FAM184A: variants seen among roughly 807,000 people sequenced by gnomAD.
FAM184A encodes the protein family with sequence similarity 184 member A.
In FAM184A, 99 loss-of-function variants were observed where a neutral mutation model predicts 143.8. The observed-to-expected ratio is 0.69, with a 90% CI of 0.58 to 0.81. The LOEUF is 0.81. FAM184A is among the 40% of genes least tolerant of loss of function. The pLI, the probability that FAM184A is intolerant of heterozygous loss-of-function variation, is 0.00. For synonymous variants in FAM184A, 427 were observed against 446.4 expected (o/e 0.96, Z 0.55); for missense variants, 1,217 against 1,310.5 (o/e 0.93, Z 1.10).
chr6:119,028,048 T>C (rs917452761), intron 1 of FAM184A, among the ~76,000 whole-genome samples: 1 of 152,188 alleles, frequency 6.6e-6, no homozygotes, highest in Non-Finnish European at 1.5e-5. Context: ...TTGTATTGAT[T>C]TATGATTTTG....
intron 1 of FAM184A, among the ~76,000 whole-genome samples, chr6:119,025,909 G>A (rs369246918): frequency 1.3e-5 from 2 of 152,168 alleles, no homozygotes; most frequent in African/African-American, 2.4e-5. Context: ...ATTTTTTGTA[G>A]AGAAATTATT....
intron 14 of FAM184A, among the ~76,000 whole-genome samples, chr6:118,970,008 A>ATATATATTTTTTTTTTTT: frequency 5.3e-5 from 1 of 19,046 alleles, no homozygotes; most frequent in African/African-American, 1.5e-4. Context: ...ATATATATAT[A>ATATATATTTTTTTTTTTT]TTTTTTTTTT....
At chr6:118,965,808 C>G (rs751879583) in intron 15 of FAM184A, among the ~76,000 whole-genome samples, 72 of 152,306 alleles carry the variant, frequency 4.7e-4, no homozygotes, top group Non-Finnish European at 8.4e-4. Context: ...ATAACACCTC[C>G]TCAGTAAGAA....
intron 9 of FAM184A, among the ~76,000 whole-genome samples, chr6:118,991,713 A>AATAACAGCCTG (rs1784382786): frequency 6.6e-6 from 1 of 150,404 alleles, no homozygotes; most frequent in South Asian, 2.1e-4. Flanking sequence ...GGAATAACGG[A>AATAACAGCCTG]ATAACAGCCT....
At chr6:119,121,462 T>A (rs1789210267) in intron 1 of FAM184A, among the ~76,000 whole-genome samples, 1 of 152,158 alleles carries the variant, frequency 6.6e-6, no homozygotes, top group Non-Finnish European at 1.5e-5. Context: ...TTAAGGAAAA[T>A]TAAATCCATA....
At chr6:119,042,348 G>A (rs113155855) in intron 1 of FAM184A, among the ~76,000 whole-genome samples, 2,196 of 152,206 alleles carry the variant, frequency 0.014, 32 homozygotes, top group South Asian at 0.037. Context: ...CATGTTCCTC[G>A]GATGCATTCC....
At chr6:119,142,717 G>A (rs757744169) in intron 1 of FAM184A, among the ~76,000 whole-genome samples, 1 of 152,188 alleles carries the variant, frequency 6.6e-6, no homozygotes, top group Non-Finnish European at 1.5e-5. Context: ...GAGGAGGAGT[G>A]TTGTGGTTGA....
Position 119,035,861 on chromosome 6 carries a change from G to C in FAM184A, c.160-11048C>G, listed in dbSNP as rs981512831. On this transcript the variant is annotated intron_variant, in intron 1 of 17. Transcript: ENST00000338891. ...AACAAACGTACATCTTACGTGTACT[G>C]ATTTATGTTTTATGCCACCCTAAAA... is the stretch of plus-strand genomic sequence containing the variant. Among the ~76,000 whole-genome samples the C allele has an allele frequency of 3.9e-5, 6 of 152,248 alleles. No individual in the cohort carries two copies. In the East Asian group the frequency reaches 7.7e-4, roughly 20 times the overall value.
chr6:119,068,943 C>T (rs1787577411), intron 1 of FAM184A: 1 of 240,410 alleles, frequency 4.2e-6, no homozygotes, highest in Non-Finnish European at 9.4e-6. Context: ...GATTACACAT[C>T]TAAAATTTGT....
At chr6:119,119,426 C>T (rs1789150464) in intron 1 of FAM184A, among the ~76,000 whole-genome samples, 1 of 152,190 alleles carries the variant, frequency 6.6e-6, no homozygotes, top group African/African-American at 2.4e-5. Flanking sequence ...GGACACCCAG[C>T]TTTAAAATTT....
At chr6:119,100,055 G>A (rs763816262) in intron 1 of FAM184A, among the ~76,000 whole-genome samples, 1 of 152,200 alleles carries the variant, frequency 6.6e-6, no homozygotes, top group African/African-American at 2.4e-5. Flanking sequence ...CAGGTAGGTG[G>A]TGTCAGAATT....
At chr6:119,062,352 G>A (rs1477951879) in intron 1 of FAM184A, among the ~76,000 whole-genome samples, 1 of 152,016 alleles carries the variant, frequency 6.6e-6, no homozygotes, top group Admixed American at 6.6e-5. Flanking sequence ...ATTGTAACCA[G>A]GTACACAGGG....
intron 1 of FAM184A, among the ~76,000 whole-genome samples, chr6:119,130,361 G>T (rs968057195): frequency 6.6e-6 from 1 of 152,148 alleles, no homozygotes; most frequent in Admixed American, 6.5e-5. Flanking sequence ...TCAGGGAATA[G>T]AAATAAATGC....
At chr6:119,009,682 T>G (rs1785031839) in intron 6 of FAM184A, 1 of 152,178 alleles carries the variant, frequency 6.6e-6, no homozygotes, top group Non-Finnish European at 1.5e-5. Context: ...TTTCCTAAAT[T>G]TATTATTTTG....
intron 3 of FAM184A, among the ~76,000 whole-genome samples, chr6:119,021,239 CTGA>C (rs201231672): frequency 0.014 from 2,121 of 152,308 alleles, 47 homozygotes; most frequent in African/African-American, 0.049. Flanking sequence ...CTGAGATTCA[CTGA>C]TAAGCCAATC....
chr6:119,028,526 C>A (rs1327321661), intron 1 of FAM184A, among the ~76,000 whole-genome samples: 2 of 152,086 alleles, frequency 1.3e-5, no homozygotes, highest in East Asian at 1.9e-4. Flanking sequence ...GCCTACACAG[C>A]GGAGCCTTCA....
At chr6:118,994,827 A>G (rs1332004451) in intron 9 of FAM184A, among the ~76,000 whole-genome samples, 1 of 152,216 alleles carries the variant, frequency 6.6e-6, no homozygotes, top group Non-Finnish European at 1.5e-5. Flanking sequence ...ACTAATTATA[A>G]TTTATCAGAA....
chr6:118,978,245 G>A lies in FAM184A; in HGVS notation c.2455+1120C>T, dbSNP rs368683970. 3.2e-4 allele frequency among the ~76,000 whole-genome samples: 48 copies of A among 152,272 alleles called. No homozygotes were observed. In the East Asian group the frequency reaches 6.0e-3, roughly 19 times the overall value. ...CCCAAAGTACTGGGATTAGAGGTGT[G>A]AGCCACCACACCCGGCCAACAAAGA... is the stretch of plus-strand genomic sequence containing the variant. On this transcript the variant is annotated intron_variant, in intron 11 of 17. Coordinates refer to ENST00000338891, the MANE Select transcript of FAM184A (RefSeq NM_024581.6).
At chr6:119,065,494 T>A (rs1383046724) in intron 1 of FAM184A, among the ~76,000 whole-genome samples, 1 of 152,180 alleles carries the variant, frequency 6.6e-6, no homozygotes, top group East Asian at 1.9e-4. Context: ...TTGGGGATAA[T>A]TTTTTACCCA....
Sources: allele counts gnomAD v4.1 joint callset (sites outside exome capture counted in the v4.1 genomes callset), GRCh38; gene constraint gnomAD v4.1.1; transcripts MANE v1.5; gene names NCBI Gene and HGNC (gene_info 2026-07-23, HGNC 2026-07-21).